SPRED2: variants seen among roughly 807,000 people sequenced by gnomAD.
SPRED2 encodes sprouty-related, EVH1 domain-containing protein 2.
In SPRED2, 47 loss-of-function variants were observed where a neutral mutation model predicts 43.0. That is an observed-to-expected ratio of 1.09 (90% CI 0.87 to 1.40). SPRED2 has a LOEUF of 1.40. SPRED2 is among the 40% of genes most tolerant of loss of function. The pLI, the probability that SPRED2 is intolerant of heterozygous loss-of-function variation, is 0.00. For synonymous variants in SPRED2, 225 were observed against 225.7 expected, an observed-to-expected ratio of 1.00 and a Z score of 0.03; for missense variants, 561 against 586.4, an observed-to-expected ratio of 0.96 and a Z score of 0.45.
intron 1 of SPRED2, among the ~76,000 whole-genome samples, chr2:65,431,459 A>G (rs1389982159): frequency 6.6e-6 from 1 of 152,006 alleles, no homozygotes; most frequent in Non-Finnish European, 1.5e-5. Flanking sequence ...CGTGTTTTTT[A>G]TGAATGAAAA....
chr2:65,343,132 C>A (rs1364340512), intron 2 of SPRED2, among the ~76,000 whole-genome samples: 2 of 152,106 alleles, frequency 1.3e-5, no homozygotes, highest in Non-Finnish European at 2.9e-5. Context: ...TGTAAGGATA[C>A]AATGAGAGAT....
intron 2 of SPRED2, among the ~76,000 whole-genome samples, chr2:65,340,361 T>C (rs1370101924): frequency 6.6e-6 from 1 of 152,334 alleles, no homozygotes; most frequent in African/African-American, 2.4e-5. Context: ...GGTAAAAAGA[T>C]ATGCACATTT....
intron 1 of SPRED2, among the ~76,000 whole-genome samples, chr2:65,383,188 G>A (rs1011018370): frequency 9.8e-5 from 15 of 152,340 alleles, no homozygotes; most frequent in African/African-American, 3.6e-4. Flanking sequence ...GGACCGGGCC[G>A]ATGAGTAAAG....
At chr2:65,425,144 T>C (rs1676527264) in intron 1 of SPRED2, among the ~76,000 whole-genome samples, 1 of 152,104 alleles carries the variant, frequency 6.6e-6, no homozygotes, top group African/African-American at 2.4e-5. Context: ...CAAATGAAAG[T>C]CAATTAAAAA....
chr2:65,360,164 C>T (rs1443079014), intron 1 of SPRED2, among the ~76,000 whole-genome samples: 1 of 151,452 alleles, frequency 6.6e-6, no homozygotes, highest in African/African-American at 2.4e-5. Context: ...GTGGCTACTG[C>T]CAACTTCTTC....
At chr2:65,362,263 G>GTTTTT (rs764010902) in intron 1 of SPRED2, among the ~76,000 whole-genome samples, 175 of 150,638 alleles carry the variant, frequency 1.2e-3, no homozygotes, top group Non-Finnish European at 2.0e-3. Flanking sequence ...GTCATCATCT[G>GTTTTT]TTTTTTTTTG....
At chr2:65,380,770 A>G (rs545206283) in intron 1 of SPRED2, 30 of 152,356 alleles carry the variant, frequency 2.0e-4, no homozygotes, top group African/African-American at 7.2e-4. Flanking sequence ...TTTGAAAGAT[A>G]TAACATTCAA....
chr2:65,310,664 G>T (rs560894138), downstream of SPRED2, among the ~76,000 whole-genome samples: 11 of 152,250 alleles, frequency 7.2e-5, no homozygotes, highest in Admixed American at 3.3e-4. Context: ...CGAGCCCAAG[G>T]AGCTGCAGTC....
At chr2:65,329,840 A>G (rs574681657) in intron 4 of SPRED2, among the ~76,000 whole-genome samples, 2 of 152,318 alleles carry the variant, frequency 1.3e-5, no homozygotes, top group South Asian at 4.1e-4. Flanking sequence ...CACTATAGGA[A>G]GTCTGTTGGG....
chr2:65,431,961 C>T lies in SPRED2; in HGVS notation c.26+1G>A. The T allele has an allele frequency of 5.6e-6, 9 of 1,613,828 alleles. No homozygotes were observed. The highest frequency in any genetic ancestry group is 7.6e-6 in the Non-Finnish European group (9 of 1,179,884). Reference sequence around the variant, plus strand: ...TCGTCCCACCCCGCGACCAAACTTACTCGTCTGGGTGTGTTTCTTCGGTCA... The same window carrying T: ...TCGTCCCACCCCGCGACCAAACTTATTCGTCTGGGTGTGTTTCTTCGGTCA... On this transcript the variant is annotated splice_donor_variant, in intron 1 of 5. Coordinates refer to ENST00000356388, the MANE Select transcript of SPRED2 (RefSeq NM_181784.3). LOFTEE classifies it high-confidence loss of function.
chr2:65,362,178 C>T (rs1428816928), intron 1 of SPRED2, among the ~76,000 whole-genome samples: 1 of 152,190 alleles, frequency 6.6e-6, no homozygotes, highest in Non-Finnish European at 1.5e-5. Context: ...AAGAAGGTAT[C>T]ACTCTCATCC....
intron 1 of SPRED2, among the ~76,000 whole-genome samples, chr2:65,410,999 T>C (rs1361506857): frequency 6.6e-6 from 1 of 152,186 alleles, no homozygotes; most frequent in Non-Finnish European, 1.5e-5. Context: ...CGAGGTGCCT[T>C]CACTGTGGAA....
intron 4 of SPRED2, among the ~76,000 whole-genome samples, chr2:65,318,016 A>C (rs1052835640): frequency 2.7e-4 from 41 of 152,122 alleles, no homozygotes; most frequent in Non-Finnish European, 1.9e-4. Flanking sequence ...TGTGTCCCCA[A>C]CCAAAACTCA....
At chr2:65,391,814 C>A (rs1426246480) in intron 1 of SPRED2, among the ~76,000 whole-genome samples, 1 of 152,112 alleles carries the variant, frequency 6.6e-6, no homozygotes, top group Non-Finnish European at 1.5e-5. Context: ...TGTTCCCTCA[C>A]CAAAACCACA....
chr2:65,363,000 GTTTTGTTTTT>G (rs1257052311), intron 1 of SPRED2, among the ~76,000 whole-genome samples: 10 of 66,982 alleles, frequency 1.5e-4, no homozygotes, highest in African/African-American at 7.0e-4. Flanking sequence ...TGGTCATCAT[GTTTTGTTTTT>G]TTTTTTTTTT....
chr2:65,323,942 C>T (rs1673515928), intron 4 of SPRED2, among the ~76,000 whole-genome samples: 1 of 151,664 alleles, frequency 6.6e-6, no homozygotes, highest in African/African-American at 2.4e-5. Flanking sequence ...GATGTGGGCT[C>T]AGACACAGAA....
intron 1 of SPRED2, among the ~76,000 whole-genome samples, chr2:65,363,595 G>C (rs1178180898): frequency 6.6e-6 from 1 of 152,184 alleles, no homozygotes; most frequent in Admixed American, 6.5e-5. Flanking sequence ...CAGATGTGGG[G>C]AGGACAATAT....
At chr2:65,372,479 G>A (rs1675148830) in intron 1 of SPRED2, among the ~76,000 whole-genome samples, 1 of 152,176 alleles carries the variant, frequency 6.6e-6, no homozygotes, top group African/African-American at 2.4e-5. Flanking sequence ...CTGATTATGT[G>A]GCTGATGGGA....
chr2:65,311,095 T>TG lies in SPRED2; in HGVS notation c.*2405dup, dbSNP rs1673055894. The stretch of plus-strand genomic sequence containing the variant: ...AATTTGTTAATGTGAGCAAATAGCT[T>TG]GGGGGGTCGGGGAGGCTTCTGGACA... On this transcript the variant is annotated 3_prime_UTR_variant, in exon 6 of 6. Coordinates refer to ENST00000356388, the MANE Select transcript of SPRED2 (RefSeq NM_181784.3). 2.3e-5 allele frequency: 23 copies of TG among 985,692 alleles called. No individual in the cohort carries two copies. Among genetic ancestry groups the TG allele is most frequent in the Non-Finnish European group, 2.7e-5 (22 of 829,870 alleles). 61.1% of individuals were successfully genotyped at this position (985,692 alleles called of 1,614,324 possible).
Sources: gnomAD v4.1 joint callset for allele counts (sites outside exome capture counted in the v4.1 genomes callset) on GRCh38, gnomAD v4.1.1 for gene constraint, MANE v1.5 for transcripts, NCBI Gene and HGNC (gene_info 2026-07-23, HGNC 2026-07-21) for gene names.